ARSG: variants seen among roughly 807,000 people sequenced by gnomAD.
The protein encoded by ARSG is arylsulfatase G, also known as ASG.
ARSG carries 37 observed loss-of-function variants against 50.5 expected under a neutral mutation model. The ratio of observed to expected loss-of-function variants is 0.73; its 90% confidence interval spans 0.56 to 0.96. The LOEUF is 0.96. ARSG is among the 50% of genes least tolerant of loss of function. The pLI, the probability that ARSG is intolerant of heterozygous loss-of-function variation, is 0.00. For missense variants in ARSG, 629 were observed against 675.3 expected (o/e 0.93, Z 0.76); for synonymous variants, 225 against 254.6 (o/e 0.88, Z 1.11).
At chr17:68,282,350 C>T (rs1243821955) in intron 1 of ARSG, among the ~76,000 whole-genome samples, 8 of 148,328 alleles carry the variant, frequency 5.4e-5, no homozygotes, top group African/African-American at 1.5e-4. Context: ...CGGGGCCTGT[C>T]GTGGGGTTGG....
At chr17:68,291,408 TCCGCCGGCCTCGGGGGCGCGCCG>T (rs1351256095), upstream of ARSG, 1 of 148,110 alleles carries the variant, frequency 6.8e-6, no homozygotes, top group Non-Finnish European at 1.5e-5. Flanking sequence ...GCAGCCGGTC[TCCGCCGGCCTCGGGGGCGCGCCG>T]CCGCCGACCA....
At chr17:68,427,417 C>T (rs773084474), downstream of ARSG, 53 of 495,134 alleles carry the variant, frequency 1.1e-4, no homozygotes, top group African/African-American at 1.6e-4. Context: ...AGTGCAGTGG[C>T]GCAATCTCGG....
the ARSG span, chr17:68,428,606 T>C: frequency 2.0e-6 from 1 of 489,552 alleles, no homozygotes. Flanking sequence ...GGAGACCATC[T>C]TGTGTGTTAT....
chr17:68,288,145 T>C (rs1478791439), upstream of ARSG, among the ~76,000 whole-genome samples: 1 of 151,514 alleles, frequency 6.6e-6, no homozygotes, highest in African/African-American at 2.4e-5. Context: ...TAAAGGCGCA[T>C]GCCACCACGC....
downstream of ARSG, chr17:68,426,250 G>GGGGGGT: frequency 4.8e-6 from 4 of 828,056 alleles, 1 homozygote; most frequent in Non-Finnish European, 1.9e-6. Flanking sequence ...GGTGGGGAGC[G>GGGGGGT]GGGGCTCAAA....
rs11652503 is a variant in ARSG, at chr17:68,313,781, C to T, written c.218+6070C>T. Among the ~76,000 whole-genome samples, 632 of 149,276 alleles carry T rather than the reference C, an allele frequency of 4.2e-3. 10 individuals carry two copies. The highest frequency in any genetic ancestry group is 0.015 in the African/African-American group (599 of 40,758). ...TGCAACCTCCGCCTCCGGGTTCAAGCGATTCTCCTGCCTCGGCCTTCTGAG... is the reference window on the plus strand; with the variant it reads ...TGCAACCTCCGCCTCCGGGTTCAAGTGATTCTCCTGCCTCGGCCTTCTGAG... On this transcript the variant is annotated intron_variant, in intron 2 of 11. Transcript: ENST00000621439.
At chr17:68,287,707 C>T (rs569099705), upstream of ARSG, among the ~76,000 whole-genome samples, 9 of 152,240 alleles carry the variant, frequency 5.9e-5, 1 homozygote, top group South Asian at 1.9e-3. Context: ...CTTTATCATC[C>T]TAAAGCATCC....
downstream of ARSG, among the ~76,000 whole-genome samples, chr17:68,425,020 A>G (rs72841873): frequency 0.04 from 6,160 of 152,344 alleles, 246 homozygotes; most frequent in South Asian, 0.19. Flanking sequence ...AGGAAGCCCC[A>G]GCAGGCTCTC....
chr17:68,412,905 G>T (rs2147393306), intron 11 of ARSG, among the ~76,000 whole-genome samples: 1 of 152,138 alleles, frequency 6.6e-6, no homozygotes, highest in South Asian at 2.1e-4. Flanking sequence ...TCTTCCAGTT[G>T]ATCGCACCGG....
rs536161338 is a variant in ARSG, at chr17:68,361,206, A to G, written c.704+4402A>G. On this transcript the variant is annotated intron_variant, in intron 6 of 11. Coordinates refer to ENST00000621439, the MANE Select transcript of ARSG (RefSeq NM_001267727.2). ...AAATCCTAACCCTTAATGGGGTGGT[A>G]TTAGGAGGTGGGGCCATTAGGAGGA... Among the ~76,000 whole-genome samples, 8 of 152,228 alleles carry G rather than the reference A, an allele frequency of 5.3e-5. No individual in the cohort carries two copies. In the East Asian group the frequency reaches 1.2e-3, roughly 22 times the overall value.
At chr17:68,442,829 C>G in the ARSG span, among the ~76,000 whole-genome samples, 5 of 152,166 alleles carry the variant, frequency 3.3e-5, no homozygotes, top group Admixed American at 6.5e-5. Context: ...TGTCTCAGAC[C>G]ACCTCAGACA....
chr17:68,346,150 A>C (rs1442349194), intron 3 of ARSG, among the ~76,000 whole-genome samples: 3 of 152,160 alleles, frequency 2.0e-5, no homozygotes, highest in African/African-American at 7.2e-5. Context: ...TGCTGGGATT[A>C]CAGACATGAG....
chr17:68,352,020 A>G (rs1015598431), intron 5 of ARSG, among the ~76,000 whole-genome samples: 5 of 151,430 alleles, frequency 3.3e-5, no homozygotes, highest in African/African-American at 1.2e-4. Context: ...CAGACACTGG[A>G]CATAAGGAGG....
intron 11 of ARSG, 120 bp from the exon 12 acceptor site, chr17:68,420,069 A>T: frequency 1.7e-6 from 2 of 1,158,396 alleles, no homozygotes; most frequent in South Asian, 3.0e-5. Context: ...GAGAGCCATC[A>T]TTGGAACATT....
intron 11 of ARSG, among the ~76,000 whole-genome samples, chr17:68,401,736 G>T (rs973978216): frequency 1.3e-5 from 2 of 152,100 alleles, no homozygotes; most frequent in Non-Finnish European, 2.9e-5. Context: ...TCCTATTGTC[G>T]TGCTTTAAAT....
At chr17:68,322,895 C>T (rs1324625864) in intron 2 of ARSG, among the ~76,000 whole-genome samples, 1 of 152,134 alleles carries the variant, frequency 6.6e-6, no homozygotes, top group Non-Finnish European at 1.5e-5. Context: ...CTAGCATGGT[C>T]AGGTTTTGGT....
At position 68,381,264 on chromosome 17, in the gene ARSG, G is replaced by A. The variant is rs1261191645; in HGVS notation, c.983-3800G>A. ...AAATGCCACTTCACTTCCGTAACCA[G>A]AGAAGCACAAATAAGCAAATTCATG... On this transcript the variant is annotated intron_variant, in intron 8 of 11. Coordinates refer to ENST00000621439, the MANE Select transcript of ARSG (RefSeq NM_001267727.2). The surrounding 1 kb of genome is among the most constrained non-coding windows in gnomAD (Gnocchi z 4.1). 6.6e-6 allele frequency among the ~76,000 whole-genome samples: 1 copy of A among 152,172 alleles called. No individual in the cohort carries two copies. Among genetic ancestry groups the A allele is most frequent in the Non-Finnish European group, 1.5e-5 (1 of 68,036 alleles).
Position 68,271,609 on chromosome 17 carries a change from A to G in ARSG, c.-552+12183A>G, listed in dbSNP as rs782684229. 3 of 1,613,990 alleles carry G rather than the reference A, an allele frequency of 1.9e-6. No individual in the cohort carries two copies. The highest frequency in any genetic ancestry group is 2.5e-6 in the Non-Finnish European group (3 of 1,179,838). On this transcript the variant is annotated intron_variant, in intron 1 of 11. Coordinates refer to the ARSG transcript ENST00000448504. The surrounding 1 kb of genome is among the most constrained non-coding windows in gnomAD (Gnocchi z 5.3). Reference sequence around the variant, plus strand: ...GTTTAACTGTAGTAGGCCCACGAAGAGGAGGCTGTATCTCCAGCCAATGCG... The same window carrying G: ...GTTTAACTGTAGTAGGCCCACGAAGGGGAGGCTGTATCTCCAGCCAATGCG...
At chr17:68,371,184 G>A (rs966664611) in intron 8 of ARSG, among the ~76,000 whole-genome samples, 2 of 152,074 alleles carry the variant, frequency 1.3e-5, no homozygotes, top group Admixed American at 1.3e-4. Flanking sequence ...GCCGGGCGTG[G>A]TGGCGGGCGC....
Sources: gnomAD v4.1 joint callset for allele counts (sites outside exome capture counted in the v4.1 genomes callset) on GRCh38, gnomAD v4.1.1 for gene constraint, Gnocchi (gnomAD v3.1) non-coding constraint, MANE v1.5 for transcripts, NCBI Gene and HGNC (gene_info 2026-07-23, HGNC 2026-07-21) for gene names.